Variants in AUTS2 observed in about 807,000 individuals in gnomAD.
The protein encoded by AUTS2 is activator of transcription and developmental regulator AUTS2.
A neutral mutation model predicts 112.4 loss-of-function variants in AUTS2; 17 were observed. That is an observed-to-expected ratio of 0.15 (90% CI 0.10 to 0.23). The LOEUF is 0.23. Ranked by LOEUF, AUTS2 falls within the 10% of genes least tolerant of loss-of-function variation. The pLI, the probability that AUTS2 is intolerant of heterozygous loss-of-function variation, is 1.00. For synonymous variants in AUTS2, 751 were observed against 702.7 expected (o/e 1.07, Z -1.09); for missense variants, 1,510 against 1,701.6 (o/e 0.89, Z 1.98).
chr7:70,203,210 G>A (rs1810384332), intron 4 of AUTS2, among the ~76,000 whole-genome samples: 1 of 89,112 alleles, frequency 1.1e-5, no homozygotes, highest in South Asian at 5.9e-4. Context: ...CGGGGGAGGG[G>A]GGAGGGATAG....
intron 17 of AUTS2, chr7:70,786,998 A>G (rs1435803878): frequency 1.5e-6 from 1 of 653,482 alleles, no homozygotes; most frequent in Admixed American, 2.7e-5. Context: ...TTTTGGTTTT[A>G]AAAAGAAAAA....
intron 1 of AUTS2, among the ~76,000 whole-genome samples, chr7:69,672,759 T>G (rs1253693129): frequency 6.6e-6 from 1 of 152,228 alleles, no homozygotes; most frequent in Non-Finnish European, 1.5e-5. Flanking sequence ...GAGATGCCAG[T>G]GCTGTCTTGA....
At chr7:69,707,848 G>A (rs1163625264) in intron 1 of AUTS2, among the ~76,000 whole-genome samples, 1 of 152,100 alleles carries the variant, frequency 6.6e-6, no homozygotes, top group East Asian at 1.9e-4. Context: ...ACCCCATTTG[G>A]GCTTTGCAGA....
chr7:69,794,642 T>C (rs1789758501), intron 1 of AUTS2, among the ~76,000 whole-genome samples: 1 of 152,192 alleles, frequency 6.6e-6, no homozygotes, highest in African/African-American at 2.4e-5. Flanking sequence ...TTTGTCTACT[T>C]GGTACCTGTA....
At chr7:69,948,773 C>CATTTATTTATTTATTT (rs36128585) in intron 2 of AUTS2, among the ~76,000 whole-genome samples, 1 of 147,038 alleles carries the variant, frequency 6.8e-6, no homozygotes, top group African/African-American at 2.5e-5. Context: ...AATTTTCTTT[C>CATTTATTTATTTATTT]ATTTATTTAT....
Position 70,297,439 on chromosome 7 carries a change from T to A in AUTS2, c.661-138313T>A, listed in dbSNP as rs998504624. On this transcript the variant is annotated intron_variant, in intron 4 of 18. Transcript: ENST00000342771. ...AAGAGGAAGATAATTTTTTTTTTTTTTTTTTTATCGAGACAGAGTCTCGCT... is the reference window on the plus strand; with the variant it reads ...AAGAGGAAGATAATTTTTTTTTTTTATTTTTTATCGAGACAGAGTCTCGCT... Among the ~76,000 whole-genome samples, 2 of 151,206 alleles carry A rather than the reference T, an allele frequency of 1.3e-5. 1 individual carries two copies. Among genetic ancestry groups the A allele is most frequent in the African/African-American group, 4.9e-5 (2 of 41,098 alleles).
intron 5 of AUTS2, among the ~76,000 whole-genome samples, chr7:70,678,130 T>C (rs1257031793): frequency 6.6e-6 from 1 of 152,116 alleles, no homozygotes; most frequent in African/African-American, 2.4e-5. Flanking sequence ...AGGTTCTACC[T>C]TCCCCACGTG....
At chr7:69,876,340 AAAAAAAAAAATATAT>A (rs1392923309) in intron 1 of AUTS2, among the ~76,000 whole-genome samples, 6 of 90,946 alleles carry the variant, frequency 6.6e-5, no homozygotes, top group African/African-American at 2.2e-4. Context: ...AAAAAAAAAA[AAAAAAAAAAATATAT>A]ATATATATAT....
At chr7:69,990,098 T>C (rs900816334) in intron 2 of AUTS2, among the ~76,000 whole-genome samples, 2 of 152,134 alleles carry the variant, frequency 1.3e-5, no homozygotes, top group African/African-American at 2.4e-5. Flanking sequence ...GAAATAGCAA[T>C]ACAAAGTTGC....
chr7:70,630,053 T>C (rs1010697575), intron 5 of AUTS2, among the ~76,000 whole-genome samples: 5 of 152,176 alleles, frequency 3.3e-5, no homozygotes, highest in African/African-American at 1.2e-4. Flanking sequence ...CATCCAGGCA[T>C]GTCTGAGCAG....
intron 4 of AUTS2, among the ~76,000 whole-genome samples, chr7:70,305,197 G>T (rs932810257): frequency 1.3e-5 from 2 of 151,726 alleles, no homozygotes; most frequent in Non-Finnish European, 2.9e-5. Flanking sequence ...TATCTCAGTG[G>T]TTATTACTTT....
intron 5 of AUTS2, among the ~76,000 whole-genome samples, chr7:70,690,487 G>A (rs1397329324): frequency 6.6e-6 from 1 of 152,158 alleles, no homozygotes; most frequent in Non-Finnish European, 1.5e-5. Flanking sequence ...TGCGCTGTTA[G>A]AGTGCCTGAA....
At chr7:70,288,182 G>A (rs2129611514) in intron 4 of AUTS2, among the ~76,000 whole-genome samples, 1 of 152,270 alleles carries the variant, frequency 6.6e-6, no homozygotes, top group South Asian at 2.1e-4. Context: ...GGAGGCCGAG[G>A]CGAGTGGATC....
At chr7:70,728,219 T>C (rs1787147428) in intron 6 of AUTS2, among the ~76,000 whole-genome samples, 1 of 152,192 alleles carries the variant, frequency 6.6e-6, no homozygotes, top group South Asian at 2.1e-4. Flanking sequence ...TGGATCTTAA[T>C]TGCTATTACT....
intron 1 of AUTS2, among the ~76,000 whole-genome samples, chr7:69,681,569 A>G (rs1796798565): frequency 6.6e-6 from 1 of 152,168 alleles, no homozygotes; most frequent in Non-Finnish European, 1.5e-5. Context: ...TACGCATAGA[A>G]TGTTGGCCTG....
intron 1 of AUTS2, among the ~76,000 whole-genome samples, chr7:69,879,931 C>T (rs1730675128): frequency 6.6e-6 from 1 of 152,152 alleles, no homozygotes; most frequent in Admixed American, 6.5e-5. Context: ...TCCTGAGTAC[C>T]TTTTAATTTT....
chr7:70,699,434 G>C (rs1809323860), intron 6 of AUTS2: 1 of 152,156 alleles, frequency 6.6e-6, no homozygotes, highest in Non-Finnish European at 1.5e-5. Flanking sequence ...GGCGACACTT[G>C]GTAGCACTTG....
At position 70,766,362 on chromosome 7, in the gene AUTS2, A is replaced by T; in HGVS notation, c.1689+28A>T. On this transcript the variant is annotated intron_variant, in intron 9 of 18. Transcript: ENST00000342771. The surrounding 1 kb of genome is among the most constrained non-coding windows in gnomAD (Gnocchi z 4.8). ...GCGTACCCCAGGCAGAAATGTGAGG[A>T]TAAGTAGAGCACGACTCTTTTCTTT... The T allele has an allele frequency of 6.2e-7, 1 of 1,612,332 alleles. No homozygotes were observed. The highest frequency in any genetic ancestry group is 8.5e-7 in the Non-Finnish European group (1 of 1,178,964).
intron 5 of AUTS2, among the ~76,000 whole-genome samples, chr7:70,555,087 G>C (rs374987266): frequency 6.6e-6 from 1 of 152,200 alleles, no homozygotes; most frequent in South Asian, 2.1e-4. Flanking sequence ...AAAAACATGA[G>C]CAAATAAATG....
Sources: allele counts gnomAD v4.1 joint callset (sites outside exome capture counted in the v4.1 genomes callset), GRCh38; gene constraint gnomAD v4.1.1; non-coding constraint Gnocchi (gnomAD v3.1); transcripts MANE v1.5; gene names NCBI Gene and HGNC (gene_info 2026-07-23, HGNC 2026-07-21).